The following DAB2IP variants were observed in gnomAD, a reference collection of about 807,000 sequenced individuals.
DAB2IP encodes DAB2 interacting protein.
A neutral mutation model predicts 107.2 loss-of-function variants in DAB2IP; 28 were observed. The observed-to-expected ratio is 0.26, with a 90% confidence interval of 0.19 to 0.36. The LOEUF (loss-of-function observed/expected upper bound fraction) is 0.36. DAB2IP is among the 10% of genes least tolerant of loss of function. DAB2IP has a pLI of 1.00. For synonymous variants in DAB2IP, 755 were observed against 706.4 expected, an observed-to-expected ratio of 1.07 and a Z score of -1.09; for missense variants, 1,400 against 1,644.7, an observed-to-expected ratio of 0.85 and a Z score of 2.57.
intron 1 of DAB2IP, among the ~76,000 whole-genome samples, chr9:121,608,057 G>A (rs747772992): frequency 6.6e-6 from 1 of 152,242 alleles, no homozygotes; most frequent in Non-Finnish European, 1.5e-5. Context: ...CAGCCCCTCT[G>A]ATAGGGATCT....
At chr9:121,642,439 C>T (rs1476262760) in intron 1 of DAB2IP, among the ~76,000 whole-genome samples, 1 of 151,586 alleles carries the variant, frequency 6.6e-6, no homozygotes, top group Non-Finnish European at 1.5e-5. Context: ...CCTCAGCCTC[C>T]CAAAGTGCTG....
intron 3 of DAB2IP, among the ~76,000 whole-genome samples, chr9:121,717,913 A>G (rs889307877): frequency 2.0e-5 from 3 of 152,158 alleles, no homozygotes; most frequent in African/African-American, 7.2e-5. Flanking sequence ...CCCCCAGCCA[A>G]GGTCCCTGTT....
intron 10 of DAB2IP, among the ~76,000 whole-genome samples, chr9:121,769,470 G>C (rs1435032539): frequency 1.3e-5 from 2 of 152,110 alleles, no homozygotes; most frequent in Non-Finnish European, 2.9e-5. Context: ...ACTGTGTTGT[G>C]GGCCTCTTTG....
At chr9:121,587,453 C>T in intron 1 of DAB2IP, among the ~76,000 whole-genome samples, 1 of 151,774 alleles carries the variant, frequency 6.6e-6, no homozygotes, top group Non-Finnish European at 1.5e-5. Context: ...ACTGAAGAGA[C>T]AAAAATTAGC....
intron 3 of DAB2IP, among the ~76,000 whole-genome samples, chr9:121,712,990 G>A (rs1306273900): frequency 6.6e-6 from 1 of 152,216 alleles, no homozygotes; most frequent in Non-Finnish European, 1.5e-5. Context: ...TTTCCACCTG[G>A]AGCGGCCCCT....
chr9:121,632,964 CT>C (rs1485952425), intron 1 of DAB2IP, among the ~76,000 whole-genome samples: 1 of 152,212 alleles, frequency 6.6e-6, no homozygotes, highest in Non-Finnish European at 1.5e-5. Context: ...GCACTTTCCC[CT>C]AGACCCTTTC....
At chr9:121,611,348 G>A (rs1831087955) in intron 1 of DAB2IP, among the ~76,000 whole-genome samples, 1 of 152,136 alleles carries the variant, frequency 6.6e-6, no homozygotes, top group Non-Finnish European at 1.5e-5. Flanking sequence ...TGGAGTAGGA[G>A]CTAGGGGAAG....
chr9:121,779,974 T>A (rs16910972), intron 14 of DAB2IP, among the ~76,000 whole-genome samples: 3 of 152,058 alleles, frequency 2.0e-5, no homozygotes, highest in Non-Finnish European at 2.9e-5. Context: ...CACTGGGCTC[T>A]CCTTGTTGGT....
At chr9:121,666,132 G>A (rs1243377440) in intron 1 of DAB2IP, among the ~76,000 whole-genome samples, 1 of 152,152 alleles carries the variant, frequency 6.6e-6, no homozygotes, top group Non-Finnish European at 1.5e-5. Flanking sequence ...GCCAGCTTCT[G>A]GAAGTTGCCT....
At chr9:121,750,363 G>A (rs1833027751) in intron 3 of DAB2IP, among the ~76,000 whole-genome samples, 1 of 152,158 alleles carries the variant, frequency 6.6e-6, no homozygotes, top group South Asian at 2.1e-4. Flanking sequence ...AGGGCCCACT[G>A]CACTGCCTGC....
chr9:121,571,042 C>T (rs567612645), intron 1 of DAB2IP, among the ~76,000 whole-genome samples: 7 of 152,150 alleles, frequency 4.6e-5, no homozygotes, highest in South Asian at 2.1e-4. Flanking sequence ...ACCTTCCTCA[C>T]GCCCCCAAGC....
At chr9:121,710,829 G>A (rs981250003) in intron 3 of DAB2IP, among the ~76,000 whole-genome samples, 2 of 152,200 alleles carry the variant, frequency 1.3e-5, no homozygotes, top group African/African-American at 4.8e-5. Flanking sequence ...TACTACAGCA[G>A]ACTCACCAAG....
intron 1 of DAB2IP, among the ~76,000 whole-genome samples, chr9:121,652,670 A>G (rs1165379532): frequency 6.6e-6 from 1 of 151,946 alleles, no homozygotes; most frequent in Non-Finnish European, 1.5e-5. Context: ...GGGAGGAGAA[A>G]GACGGCGCCT....
chr9:121,650,231 G>C (rs909362516), upstream of DAB2IP, among the ~76,000 whole-genome samples: 3 of 152,168 alleles, frequency 2.0e-5, no homozygotes. Flanking sequence ...GACCAGGGCA[G>C]CTGATAGCTC....
At chr9:121,766,115 T>C (rs1218331869) in intron 8 of DAB2IP, among the ~76,000 whole-genome samples, 1 of 152,198 alleles carries the variant, frequency 6.6e-6, no homozygotes, top group African/African-American at 2.4e-5. Context: ...AAGTAGACAC[T>C]GGCAGAGAGG....
chr9:121,762,133 C>T (rs541228015), intron 6 of DAB2IP, among the ~76,000 whole-genome samples: 1 of 152,296 alleles, frequency 6.6e-6, no homozygotes, highest in Admixed American at 6.5e-5. Flanking sequence ...GGGAACTAGC[C>T]CCTCTTCCGT....
intron 3 of DAB2IP, chr9:121,751,351 C>CT (rs1462509472): frequency 6.5e-6 from 1 of 154,676 alleles, no homozygotes; most frequent in Non-Finnish European, 1.4e-5. Context: ...CTGGGTGCAC[C>CT]TTTTTAGTCC....
chr9:121,663,798 C>T (rs767085832), intron 1 of DAB2IP, among the ~76,000 whole-genome samples: 31 of 152,358 alleles, frequency 2.0e-4, no homozygotes, highest in Non-Finnish European at 4.0e-4. Context: ...AAGGGCCAGG[C>T]GCGAACTCAG....
At chr9:121,614,343 T>TG (rs1362400746) in intron 1 of DAB2IP, among the ~76,000 whole-genome samples, 1 of 144,766 alleles carries the variant, frequency 6.9e-6, no homozygotes, top group Non-Finnish European at 1.5e-5. Context: ...TTTTCTTTTT[T>TG]TTTTTTTTTT....
Sources: gnomAD v4.1 joint callset for allele counts (sites outside exome capture counted in the v4.1 genomes callset) on GRCh38, gnomAD v4.1.1 for gene constraint, MANE v1.5 for transcripts, NCBI Gene and HGNC (gene_info 2026-07-23, HGNC 2026-07-21) for gene names.